Variants in MEGF11 observed in about 807,000 individuals in gnomAD.
The protein encoded by MEGF11 is multiple epidermal growth factor-like domains protein 11.
Under a neutral mutation model 146.6 loss-of-function variants are expected in MEGF11, and 126 were observed. That is an observed-to-expected ratio of 0.86 (90% confidence interval 0.74 to 1.00). The LOEUF is 1.00. Among genes scored for constraint, MEGF11 ranks in the 50% least tolerant of loss-of-function variants. MEGF11 has a pLI of 0.00. For synonymous variants in MEGF11, 532 were observed against 583.4 expected, an observed-to-expected ratio of 0.91 and a Z score of 1.27; for missense variants, 1,509 against 1,521.2, an observed-to-expected ratio of 0.99 and a Z score of 0.13.
intron 1 of MEGF11, among the ~76,000 whole-genome samples, chr15:66,141,870 G>C (rs1025023841): frequency 6.6e-6 from 1 of 152,134 alleles, no homozygotes; most frequent in Non-Finnish European, 1.5e-5. Flanking sequence ...GCTGTGCTTT[G>C]AGGAATCTAG....
At chr15:65,915,018 G>C (rs73479380) in intron 19 of MEGF11, among the ~76,000 whole-genome samples, 2 of 152,200 alleles carry the variant, frequency 1.3e-5, no homozygotes, top group African/African-American at 4.8e-5. Context: ...TAGAACCAAG[G>C]TTGAGCCCCT....
At chr15:65,988,922 C>T (rs1228303460) in intron 5 of MEGF11, among the ~76,000 whole-genome samples, 1 of 152,328 alleles carries the variant, frequency 6.6e-6, no homozygotes, top group Non-Finnish European at 1.5e-5. Context: ...GCCAGCCCTT[C>T]TCCCAGCTAC....
intron 24 of MEGF11, among the ~76,000 whole-genome samples, chr15:65,903,601 C>G (rs2078547901): frequency 6.6e-6 from 1 of 152,202 alleles, no homozygotes; most frequent in Non-Finnish European, 1.5e-5. Flanking sequence ...ACAGCAAGAA[C>G]TAGGACTACA....
chr15:65,924,247 C>T (rs900638716), intron 13 of MEGF11, among the ~76,000 whole-genome samples: 1 of 151,826 alleles, frequency 6.6e-6, no homozygotes, highest in African/African-American at 2.4e-5. Context: ...TTTACTCATC[C>T]TCCTGTTCCT....
At chr15:66,162,075 C>G (rs1316019247) in intron 1 of MEGF11, among the ~76,000 whole-genome samples, 2 of 152,160 alleles carry the variant, frequency 1.3e-5, no homozygotes, top group Admixed American at 1.3e-4. Context: ...GACACACTTG[C>G]TGCCAGCAAC....
chr15:66,251,859 T>G (rs1443046314), intron 1 of MEGF11, among the ~76,000 whole-genome samples: 1 of 152,174 alleles, frequency 6.6e-6, no homozygotes, highest in East Asian at 1.9e-4. Context: ...TCTAGCGGCT[T>G]AAACAAAATG....
In MEGF11 at chr15:65,917,843, A is replaced by G. The variant is rs2079051460; in HGVS notation, c.2086+123T>C. 44 of 1,132,952 alleles carry G rather than the reference A, an allele frequency of 3.9e-5. No individual in the cohort carries two copies. The South Asian group carries it at 6.2e-4, about 16-fold the overall frequency. 70.2% of individuals were successfully genotyped at this position (1,132,952 alleles called of 1,614,324 possible). On this transcript the variant is annotated intron_variant, in intron 16 of 25. Transcript: ENST00000395614. ...ATAGAGCTAAATGGGGCTCATTCCTACATGCAGAAGGAGATTTCATCCCTG... is the reference window on the plus strand; with the variant it reads ...ATAGAGCTAAATGGGGCTCATTCCTGCATGCAGAAGGAGATTTCATCCCTG...
At chr15:66,109,023 G>A (rs1179040870) in intron 4 of MEGF11, among the ~76,000 whole-genome samples, 1 of 152,198 alleles carries the variant, frequency 6.6e-6, no homozygotes, top group Non-Finnish European at 1.5e-5. Context: ...ATTAAGAAGC[G>A]ATGCCTCAAT....
chr15:66,216,797 C>G lies in MEGF11; in HGVS notation c.-9+36808G>C, dbSNP rs565450891. ...GAAGGCTACAGTATGCTGCCCAGAA[C>G]CCCCTTCAGGACTGAGGCACTCATT... On this transcript the variant is annotated intron_variant, in intron 1 of 25. Transcript: ENST00000395614. Among the ~76,000 whole-genome samples the G allele has an allele frequency of 2.9e-4, 44 of 152,308 alleles. 1 individual carries two copies. In the South Asian group the frequency reaches 8.9e-3, roughly 31 times the overall value.
At position 65,913,720 on chromosome 15, in the gene MEGF11, A is replaced by G; in HGVS notation, c.2710+17T>C. On this transcript the variant is annotated intron_variant, in intron 20 of 25. Coordinates refer to ENST00000395614, the MANE Select transcript of MEGF11 (RefSeq NM_001385028.1). Reference sequence around the variant, plus strand: ...TGTGGAGGGGAAGAGGAGGGAGGCCAGGAGCATGGCCCTTACCTGAGAGGG... The same window carrying G: ...TGTGGAGGGGAAGAGGAGGGAGGCCGGGAGCATGGCCCTTACCTGAGAGGG... 3 of 1,596,498 alleles carry G rather than the reference A, an allele frequency of 1.9e-6. No homozygotes were observed. Among genetic ancestry groups the G allele is most frequent in the East Asian group, 2.3e-5 (1 of 44,352 alleles).
At chr15:65,955,479 C>T (rs189347576) in intron 10 of MEGF11, among the ~76,000 whole-genome samples, 1 of 149,442 alleles carries the variant, frequency 6.7e-6, no homozygotes, top group Non-Finnish European at 1.5e-5. Context: ...AGTGGTGGCT[C>T]ATGCCTGTAA....
intron 1 of MEGF11, among the ~76,000 whole-genome samples, chr15:66,227,305 G>A (rs1476557198): frequency 2.0e-5 from 3 of 152,096 alleles, no homozygotes; most frequent in East Asian, 1.9e-4. Context: ...AGGATAACGC[G>A]TGGGAATTGC....
At chr15:66,101,416 T>C (rs1316896204) in intron 4 of MEGF11, among the ~76,000 whole-genome samples, 1 of 152,176 alleles carries the variant, frequency 6.6e-6, no homozygotes, top group African/African-American at 2.4e-5. Context: ...TGTGTACATT[T>C]CACATAAACT....
chr15:66,001,665 T>C (rs1251897821), intron 5 of MEGF11, among the ~76,000 whole-genome samples: 1 of 151,780 alleles, frequency 6.6e-6, no homozygotes, highest in East Asian at 1.9e-4. Context: ...CCCCTCTCAA[T>C]GGCTGGGTCC....
At chr15:66,183,539 AAG>A (rs769785971) in intron 1 of MEGF11, among the ~76,000 whole-genome samples, 26,831 of 138,484 alleles carry the variant, frequency 0.19, 2,778 homozygotes, top group East Asian at 0.42. Context: ...CCCTGCCAAA[AAG>A]AAAAAAAAAA....
chr15:65,981,196 T>C (rs993759405), intron 6 of MEGF11, among the ~76,000 whole-genome samples: 1 of 152,172 alleles, frequency 6.6e-6, no homozygotes, highest in African/African-American at 2.4e-5. Context: ...GGCATTTTAC[T>C]TGGGCCTTAA....
intron 5 of MEGF11, among the ~76,000 whole-genome samples, chr15:66,063,017 C>T (rs998294437): frequency 3.9e-5 from 6 of 152,096 alleles, no homozygotes; most frequent in African/African-American, 7.2e-5. Context: ...TTTAAAAATA[C>T]GATCTACAAA....
intron 10 of MEGF11, among the ~76,000 whole-genome samples, chr15:65,933,487 A>C (rs910471596): frequency 1.2e-4 from 18 of 152,186 alleles, no homozygotes; most frequent in Non-Finnish European, 2.1e-4. Context: ...GCCGTGATCC[A>C]TGGGACAGGA....
intron 1 of MEGF11, among the ~76,000 whole-genome samples, chr15:66,149,119 C>G (rs896791816): frequency 6.6e-6 from 1 of 152,210 alleles, no homozygotes; most frequent in Non-Finnish European, 1.5e-5. Context: ...CTCAATGATC[C>G]TTTCTGGCCC....
Sources: allele counts gnomAD v4.1 joint callset (sites outside exome capture counted in the v4.1 genomes callset), GRCh38; gene constraint gnomAD v4.1.1; transcripts MANE v1.5; gene names NCBI Gene and HGNC (gene_info 2026-07-23, HGNC 2026-07-21).